The following SUN1 variants were observed in gnomAD, a reference collection of about 807,000 sequenced individuals.
SUN1 encodes Sad1 and UNC84 domain containing 1.
A neutral mutation model predicts 103.2 loss-of-function variants in SUN1; 61 were observed. The observed-to-expected ratio is 0.59, with a 90% CI of 0.48 to 0.73. The LOEUF (loss-of-function observed/expected upper bound fraction) is 0.73. Among genes scored for constraint, SUN1 ranks in the 30% least tolerant of loss-of-function variants. The pLI is 0.00. For missense variants in SUN1, 1,052 were observed against 1,034.6 expected (o/e 1.02, Z -0.23); for synonymous variants, 490 against 425.7 (o/e 1.15, Z -1.86).
intron 15 of SUN1, among the ~76,000 whole-genome samples, chr7:862,616 A>T (rs1055259059): frequency 6.6e-6 from 1 of 152,244 alleles, no homozygotes; most frequent in African/African-American, 2.4e-5. Flanking sequence ...AAGAGGCATC[A>T]ATTGACATGA....
At chr7:851,062 A>C in intron 5 of SUN1, 3 of 203,122 alleles carry the variant, frequency 1.5e-5, no homozygotes, top group African/African-American at 2.3e-5. Context: ...GCTGGCACCA[A>C]TGGCCAATAT....
intron 2 of SUN1, among the ~76,000 whole-genome samples, chr7:839,447 CGATCTCA>C (rs1379899087): frequency 6.6e-6 from 1 of 152,234 alleles, no homozygotes; most frequent in African/African-American, 2.4e-5. Context: ...TGCAGTGGCA[CGATCTCA>C]GCTCACTGCC....
At chr7:831,007 C>T (rs911379514), upstream of SUN1, 18 of 985,378 alleles carry the variant, frequency 1.8e-5, no homozygotes, top group Non-Finnish European at 2.0e-5. Context: ...CAGGCCAAGG[C>T]CCTGTCCTGT....
intron 3 of SUN1, 99 bp downstream of exon 3, chr7:842,229 A>C (rs1271731134): frequency 3.8e-6 from 5 of 1,328,656 alleles, no homozygotes; most frequent in African/African-American, 1.5e-5. Flanking sequence ...GTCGGTTTGC[A>C]TGGATTATGC....
intron 1 of SUN1, chr7:817,497 C>T (rs998011116): frequency 8.5e-6 from 13 of 1,535,992 alleles, no homozygotes; most frequent in African/African-American, 1.4e-5. Flanking sequence ...CTCCCCAGGA[C>T]AGGTGGGCGG....
chr7:872,829 C>T (rs982597527), intron 18 of SUN1, among the ~76,000 whole-genome samples: 2 of 152,262 alleles, frequency 1.3e-5, no homozygotes, highest in African/African-American at 4.8e-5. Flanking sequence ...TGGCTCACGT[C>T]TGTAATCCCA....
chr7:872,055 G>C (rs905083164), intron 17 of SUN1, among the ~76,000 whole-genome samples: 1 of 152,126 alleles, frequency 6.6e-6, no homozygotes, highest in Non-Finnish European at 1.5e-5. Flanking sequence ...TCCCAAAGTC[G>C]GTCTTCTGTG....
chr7:855,536 CT>C (rs1427444805), intron 11 of SUN1, among the ~76,000 whole-genome samples: 4 of 152,320 alleles, frequency 2.6e-5, no homozygotes, highest in African/African-American at 7.2e-5. Context: ...GACACAGAGC[CT>C]GGCGTGTCAC....
intron 5 of SUN1, chr7:843,836 A>G: frequency 2.0e-5 from 27 of 1,379,100 alleles, no homozygotes; most frequent in East Asian, 2.8e-5. Flanking sequence ...ATTTTTATAA[A>G]ACGGCACAGA....
At chr7:852,232 A>G (rs1031135922) in intron 7 of SUN1, 189 bp downstream of exon 7, 2 of 645,958 alleles carry the variant, frequency 3.1e-6, no homozygotes. Context: ...AGCAGATATC[A>G]TTAAGGAAAA....
At chr7:835,826 G>A (rs1051899497) in intron 1 of SUN1, among the ~76,000 whole-genome samples, 10 of 152,210 alleles carry the variant, frequency 6.6e-5, no homozygotes, top group Admixed American at 3.3e-4. Flanking sequence ...CGGAGCCCTC[G>A]GAACCAACGT....
intron 11 of SUN1, among the ~76,000 whole-genome samples, chr7:855,863 C>T (rs892291382): frequency 2.1e-4 from 32 of 152,166 alleles, no homozygotes; most frequent in Admixed American, 2.0e-3. Flanking sequence ...GGGGCGCCTC[C>T]TCCTGTGTCC....
intron 1 of SUN1, chr7:816,704 C>T (rs966747686): frequency 9.2e-5 from 14 of 151,454 alleles, no homozygotes; most frequent in Admixed American, 5.3e-4. Context: ...GCCAAGGGCA[C>T]CCCGGGGCGG....
At chr7:824,105 G>A (rs1257595521) in intron 1 of SUN1, among the ~76,000 whole-genome samples, 1 of 152,212 alleles carries the variant, frequency 6.6e-6, no homozygotes, top group African/African-American at 2.4e-5. Flanking sequence ...TCACCTGGGT[G>A]AAGTTAAGGA....
chr7:853,623 G>C lies in SUN1; in HGVS notation c.1263+5G>C, dbSNP rs1223251154. 4 of 1,597,692 alleles carry C rather than the reference G, an allele frequency of 2.5e-6. No homozygotes were observed. Among genetic ancestry groups the C allele is most frequent in the South Asian group, 1.1e-5 (1 of 90,844 alleles). ...GTGGGACAGCCCCCGAGGGAGGTGGGTGCTGCCGGGCTACCAGGCTCCATG... is the reference window on the plus strand; with the variant it reads ...GTGGGACAGCCCCCGAGGGAGGTGGCTGCTGCCGGGCTACCAGGCTCCATG... On this transcript the variant is annotated splice_donor_5th_base_variant and intron_variant, in intron 10 of 18. Coordinates refer to ENST00000401592, the MANE Select transcript of SUN1 (RefSeq NM_001130965.3).
upstream of SUN1, chr7:816,295 T>C (rs1391497647): frequency 5.9e-6 from 1 of 170,340 alleles, no homozygotes; most frequent in African/African-American, 4.8e-5. Flanking sequence ...CCCCAGCAGG[T>C]GCAGACCCCT....
In SUN1 at chr7:869,509, C is replaced by T; in HGVS notation, c.2141C>T (p.Ala714Val). 1.9e-6 allele frequency: 3 copies of T among 1,613,254 alleles called. No homozygotes were observed. Among genetic ancestry groups the T allele is most frequent in the African/African-American group, 2.7e-5 (2 of 74,874 alleles). The change falls in exon 17 of 19, where the codon GCC becomes GTC. Residue 714 changes from alanine to valine, a missense_variant. Around this residue, in one of 2 missense-constraint regions of SUN1, gnomAD observed 206 missense variants for 260.1 expected, o/e 0.79. Transcript: ENST00000401592. ...ATCAGCAGCGCCCCCAAGGACTTCG[C>T]CGTCTATGTGAGTGCCCTTGGCCGA... ...GNISSAPKDF[A>V]VYGLENEYQE...
upstream of SUN1, chr7:830,884 A>G (rs1265520413): frequency 3.2e-6 from 3 of 929,158 alleles, no homozygotes; most frequent in Non-Finnish European, 3.9e-6. Context: ...GGCAGAGCCC[A>G]TTGTTGCATT....
intron 1 of SUN1, among the ~76,000 whole-genome samples, chr7:825,336 A>G (rs532876397): frequency 3.3e-5 from 5 of 152,352 alleles, no homozygotes; most frequent in African/African-American, 1.2e-4. Flanking sequence ...TGTTGGGATT[A>G]CAGGCATGAG....
Sources: gnomAD v4.1 joint callset for allele counts (sites outside exome capture counted in the v4.1 genomes callset) on GRCh38, gnomAD v4.1.1 for gene constraint, gnomAD v4.1.1 regional missense constraint, MANE v1.5 for transcripts, NCBI Gene and HGNC (gene_info 2026-07-23, HGNC 2026-07-21) for gene names.